INPP5A: variants seen among roughly 807,000 people sequenced by gnomAD.
INPP5A encodes inositol polyphosphate-5-phosphatase A, also known as 43 kDa inositol polyphosphate 5-phophatase.
In INPP5A, 14 loss-of-function variants were observed where a neutral mutation model predicts 65.2. The observed-to-expected ratio is 0.21, with a 90% CI of 0.14 to 0.34. The LOEUF is 0.34. INPP5A is among the 10% of genes least tolerant of loss of function. The pLI, the probability that INPP5A is intolerant of heterozygous loss-of-function variation, is 1.00. For synonymous variants in INPP5A, 207 were observed against 208.3 expected (o/e 0.99, Z 0.05); for missense variants, 431 against 545.6 (o/e 0.79, Z 2.09).
intron 11 of INPP5A, among the ~76,000 whole-genome samples, chr10:132,765,476 G>A (rs1397209369): frequency 6.6e-6 from 1 of 152,198 alleles, no homozygotes; most frequent in Non-Finnish European, 1.5e-5. Context: ...GCTGCTACTG[G>A]GGCTGCCACG....
At chr10:132,777,624 G>T (rs1191984903) in intron 12 of INPP5A, 47 bp from the exon 13 acceptor site, 4 of 1,571,360 alleles carry the variant, frequency 2.5e-6, no homozygotes, top group Non-Finnish European at 1.7e-6. Flanking sequence ...TGGGGCTGAG[G>T]ACGGCCCGAG....
intron 8 of INPP5A, among the ~76,000 whole-genome samples, chr10:132,717,149 G>A (rs567710550): frequency 3.6e-4 from 54 of 151,762 alleles, no homozygotes; most frequent in Admixed American, 6.5e-4. Flanking sequence ...TTCTCACTGC[G>A]TCCTCACGTG....
At chr10:132,711,270 G>A (rs918934272) in intron 8 of INPP5A, among the ~76,000 whole-genome samples, 1 of 152,168 alleles carries the variant, frequency 6.6e-6, no homozygotes, top group African/African-American at 2.4e-5. Flanking sequence ...GGGAAGCAGG[G>A]GACCCCCATT....
chr10:132,780,265 A>G (rs542872481), intron 13 of INPP5A, among the ~76,000 whole-genome samples: 2 of 152,388 alleles, frequency 1.3e-5, no homozygotes, highest in Non-Finnish European at 2.9e-5. Flanking sequence ...GGCGCCCGGA[A>G]TACAGGCACC....
intron 12 of INPP5A, among the ~76,000 whole-genome samples, chr10:132,769,519 A>G (rs1565010324): frequency 6.6e-6 from 1 of 152,108 alleles, no homozygotes; most frequent in Non-Finnish European, 1.5e-5. Context: ...TGCTATTTCC[A>G]TCGGGTGTGA....
chr10:132,779,737 G>A (rs1029727319), intron 13 of INPP5A, among the ~76,000 whole-genome samples: 6 of 152,200 alleles, frequency 3.9e-5, no homozygotes, highest in African/African-American at 1.2e-4. Flanking sequence ...GCAGACGGGC[G>A]CCGGGCGCGC....
At chr10:132,710,060 A>G (rs550564146) in intron 7 of INPP5A, among the ~76,000 whole-genome samples, 4 of 152,380 alleles carry the variant, frequency 2.6e-5, no homozygotes, top group African/African-American at 4.8e-5. Flanking sequence ...GAGAGTTTCC[A>G]TAGTCACCTG....
chr10:132,689,858 C>T (rs1023527509), intron 4 of INPP5A, among the ~76,000 whole-genome samples: 1 of 152,238 alleles, frequency 6.6e-6, no homozygotes, highest in African/African-American at 2.4e-5. Flanking sequence ...GTGGGAGACA[C>T]TGGCAGCTCC....
intron 1 of INPP5A, among the ~76,000 whole-genome samples, chr10:132,556,333 C>T (rs562965262): frequency 1.2e-4 from 19 of 152,212 alleles, no homozygotes; most frequent in South Asian, 6.3e-4. Flanking sequence ...GTTTCCTGTT[C>T]GGCTGTCACA....
At chr10:132,553,327 G>A (rs552754881) in intron 1 of INPP5A, among the ~76,000 whole-genome samples, 55 of 141,554 alleles carry the variant, frequency 3.9e-4, no homozygotes, top group East Asian at 2.5e-3. Context: ...ATTGGTGAAC[G>A]CCTTCTCAGA....
intron 2 of INPP5A, among the ~76,000 whole-genome samples, chr10:132,609,157 C>T (rs549625824): frequency 3.9e-5 from 6 of 152,226 alleles, no homozygotes; most frequent in East Asian, 1.9e-4. Context: ...AATCTCTCTC[C>T]GTAGAGTCTT....
intron 3 of INPP5A, among the ~76,000 whole-genome samples, chr10:132,646,237 CCAGA>C (rs2072492583): frequency 6.6e-6 from 1 of 152,210 alleles, no homozygotes; most frequent in African/African-American, 2.4e-5. Flanking sequence ...GACGTGAGCC[CCAGA>C]TACCAGTGGA....
At chr10:132,717,820 T>A (rs904987866) in intron 8 of INPP5A, among the ~76,000 whole-genome samples, 1 of 145,908 alleles carries the variant, frequency 6.9e-6, no homozygotes, top group African/African-American at 2.7e-5. Context: ...CTGGGTTCTG[T>A]CTGGGCACCT....
intron 4 of INPP5A, among the ~76,000 whole-genome samples, chr10:132,685,810 C>A (rs1490770265): frequency 6.6e-6 from 1 of 152,204 alleles, no homozygotes; most frequent in African/African-American, 2.4e-5. Flanking sequence ...CTGCTCCCGC[C>A]CTGAGTTGGC....
chr10:132,606,567 A>G (rs1214449801), intron 1 of INPP5A, among the ~76,000 whole-genome samples: 1 of 152,116 alleles, frequency 6.6e-6, no homozygotes, highest in Non-Finnish European at 1.5e-5. Flanking sequence ...GTTTCTTGTC[A>G]GGTTTTTTAT....
At chr10:132,570,511 C>T (rs145378194) in intron 1 of INPP5A, among the ~76,000 whole-genome samples, 1 of 152,196 alleles carries the variant, frequency 6.6e-6, no homozygotes, top group South Asian at 2.1e-4. Flanking sequence ...CTAGCTGTCA[C>T]TGGGTCCTTG....
intron 11 of INPP5A, among the ~76,000 whole-genome samples, chr10:132,752,603 G>A (rs2134644760): frequency 8.1e-6 from 1 of 123,306 alleles, no homozygotes; most frequent in Middle Eastern, 4.4e-3. Flanking sequence ...GGAGGGGTGT[G>A]GCATGGAGTG....
intron 1 of INPP5A, among the ~76,000 whole-genome samples, chr10:132,600,644 G>C (rs1284374409): frequency 6.6e-6 from 1 of 152,166 alleles, no homozygotes; most frequent in Non-Finnish European, 1.5e-5. Flanking sequence ...TACCGTATTA[G>C]TTCATTTTCA....
intron 2 of INPP5A, 68 bp downstream of exon 2, chr10:132,608,024 C>A: frequency 2.1e-6 from 3 of 1,430,530 alleles, no homozygotes; most frequent in Non-Finnish European, 2.9e-6. Context: ...TTTGCTTTGG[C>A]ATTCCTCCAT....
Sources: gnomAD v4.1 joint callset for allele counts (sites outside exome capture counted in the v4.1 genomes callset) on GRCh38, gnomAD v4.1.1 for gene constraint, MANE v1.5 for transcripts, NCBI Gene and HGNC (gene_info 2026-07-23, HGNC 2026-07-21) for gene names.